NCOA7: variants seen among roughly 807,000 people sequenced by gnomAD.
The protein encoded by NCOA7 is nuclear receptor coactivator 7, also known as 140 kDa estrogen receptor-associated protein.
In NCOA7, 45 loss-of-function variants were observed where a neutral mutation model predicts 104.3. That is an observed-to-expected ratio of 0.43 (90% CI 0.34 to 0.55). The LOEUF is 0.55. NCOA7 is among the 20% of genes least tolerant of loss of function. NCOA7 has a pLI of 0.02. For missense variants in NCOA7, 1,041 were observed against 1,119.7 expected (o/e 0.93, Z 1.00); for synonymous variants, 398 against 402.3 (o/e 0.99, Z 0.13).
chr6:125,869,277 G>A (rs1782681942), intron 3 of NCOA7, among the ~76,000 whole-genome samples: 1 of 152,096 alleles, frequency 6.6e-6, no homozygotes, highest in Non-Finnish European at 1.5e-5. Context: ...GTTTTTCTCA[G>A]AACCAGCATA....
chr6:125,823,945 A>G (rs1405788928), intron 2 of NCOA7, among the ~76,000 whole-genome samples: 2 of 152,174 alleles, frequency 1.3e-5, no homozygotes, highest in Admixed American at 1.3e-4. Context: ...TGTGTTTTAA[A>G]TGTTAAGTAT....
chr6:125,816,141 G>A (rs544230210), intron 2 of NCOA7, among the ~76,000 whole-genome samples: 1 of 152,048 alleles, frequency 6.6e-6, no homozygotes, highest in African/African-American at 2.4e-5. Flanking sequence ...TCCATCCCCA[G>A]TCCCCAGGCT....
intron 2 of NCOA7, among the ~76,000 whole-genome samples, chr6:125,838,052 TC>T (rs1260441266): frequency 6.6e-6 from 1 of 152,100 alleles, no homozygotes; most frequent in Non-Finnish European, 1.5e-5. Context: ...AGGAAAAACT[TC>T]CCCTTCACCC....
At chr6:125,927,848 G>A (rs2128703755) in intron 14 of NCOA7, 90 bp downstream of exon 14, 1 of 1,084,740 alleles carries the variant, frequency 9.2e-7, no homozygotes, top group South Asian at 1.3e-5. Flanking sequence ...TAGCTGTCCT[G>A]TAACTTCTCC....
rs1788452814 is a variant in NCOA7, at chr6:125,931,270, C to G, written c.*2499C>G. 1.3e-5 allele frequency: 2 copies of G among 152,148 alleles called. No individual in the cohort carries two copies. Among genetic ancestry groups the G allele is most frequent in the Admixed American group, 1.3e-4 (2 of 15,274 alleles). 9.4% of individuals were successfully genotyped at this position (152,148 alleles called of 1,614,324 possible). A position where few individuals can be genotyped will look rare whatever the true frequency, so the allele number is the denominator to read the frequency against. ...CTCTTCATTCCCTGTAGCCACCCTC[C>G]TAATTGTCTCATCAGTTCACGGAAA... On this transcript the variant is annotated 3_prime_UTR_variant, in exon 16 of 16. Coordinates refer to ENST00000392477, the MANE Select transcript of NCOA7 (RefSeq NM_181782.5).
chr6:125,787,841 G>A (rs903320403), upstream of NCOA7, among the ~76,000 whole-genome samples: 1 of 152,152 alleles, frequency 6.6e-6, no homozygotes. Context: ...TTGATTGATG[G>A]CCACATTCTA....
intron 1 of NCOA7, among the ~76,000 whole-genome samples, chr6:125,785,640 A>T (rs1281982732): frequency 6.6e-6 from 1 of 152,214 alleles, no homozygotes; most frequent in East Asian, 1.9e-4. Flanking sequence ...TTTAGCACCA[A>T]TGTTGTAGCA....
chr6:125,797,543 A>T (rs1031977881), intron 1 of NCOA7, among the ~76,000 whole-genome samples: 2 of 152,226 alleles, frequency 1.3e-5, no homozygotes, highest in Non-Finnish European at 2.9e-5. Context: ...AAGAGCTTTC[A>T]TGTTTCTTCT....
chr6:125,840,867 G>GTTT (rs1305583308), intron 2 of NCOA7, among the ~76,000 whole-genome samples: 1 of 50,656 alleles, frequency 2.0e-5, no homozygotes, highest in Non-Finnish European at 3.8e-5. Context: ...TTGTTTGGTT[G>GTTT]GTTTTTTTTT....
intron 3 of NCOA7, among the ~76,000 whole-genome samples, chr6:125,861,552 A>AT (rs1001812984): frequency 3.9e-5 from 6 of 152,262 alleles, no homozygotes; most frequent in East Asian, 3.9e-4. Flanking sequence ...TCCAATTAAT[A>AT]TTTTTTTAAT....
chr6:125,799,007 G>A (rs970796852), intron 1 of NCOA7, among the ~76,000 whole-genome samples: 1 of 152,038 alleles, frequency 6.6e-6, no homozygotes, highest in East Asian at 1.9e-4. Context: ...TCAGCCCCAA[G>A]CCTGTTTCTT....
intron 3 of NCOA7, among the ~76,000 whole-genome samples, chr6:125,864,114 G>C (rs1179298031): frequency 7.3e-6 from 1 of 137,784 alleles, no homozygotes; most frequent in Non-Finnish European, 1.5e-5. Context: ...TAAGCAAACA[G>C]TCATGAGCAT....
At chr6:125,795,879 A>G (rs1255615491) in intron 1 of NCOA7, among the ~76,000 whole-genome samples, 1 of 152,210 alleles carries the variant, frequency 6.6e-6, no homozygotes, top group Non-Finnish European at 1.5e-5. Flanking sequence ...TCAAGTTGTC[A>G]TCATGCACAG....
intron 2 of NCOA7, among the ~76,000 whole-genome samples, chr6:125,853,954 A>G (rs117955455): frequency 0.015 from 2,234 of 152,286 alleles, 29 homozygotes; most frequent in Middle Eastern, 0.031. Flanking sequence ...GCAGTGAAAT[A>G]TCAAATTTCA....
intron 1 of NCOA7, among the ~76,000 whole-genome samples, chr6:125,813,449 ATTT>A (rs36073060): frequency 5.9e-5 from 8 of 135,672 alleles, no homozygotes; most frequent in African/African-American, 1.1e-4. Context: ...GGGAAATGCA[ATTT>A]TTTTTTTTTT....
intron 3 of NCOA7, among the ~76,000 whole-genome samples, chr6:125,859,238 A>G (rs1781844712): frequency 1.4e-5 from 2 of 144,666 alleles, no homozygotes; most frequent in Non-Finnish European, 3.0e-5. Context: ...GTGAGGGAGG[A>G]AAAAAAAAAA....
chr6:125,851,789 G>T (rs1445119496), intron 2 of NCOA7, among the ~76,000 whole-genome samples: 2 of 152,042 alleles, frequency 1.3e-5, no homozygotes, highest in Non-Finnish European at 2.9e-5. Context: ...AGCCATTCTG[G>T]CTAGAATAAG....
In NCOA7 at chr6:125,928,793, T is replaced by C. The variant is rs749654595; in HGVS notation, c.*22T>C. On this transcript the variant is annotated 3_prime_UTR_variant, in exon 16 of 16. Coordinates refer to ENST00000392477, the MANE Select transcript of NCOA7 (RefSeq NM_181782.5). ...TTGAAATTCAGACTGCCTTAAAATA[T>C]AACATTAAAAAGACTGGGTTCGATC... 7 of 1,605,026 alleles carry C rather than the reference T, an allele frequency of 4.4e-6. No homozygotes were observed. The highest frequency in any genetic ancestry group is 2.2e-5 in the South Asian group (2 of 89,210).
At chr6:125,894,320 A>C (rs778973916) in intron 10 of NCOA7, among the ~76,000 whole-genome samples, 1 of 152,168 alleles carries the variant, frequency 6.6e-6, no homozygotes, top group Non-Finnish European at 1.5e-5. Context: ...ATTGAGAACC[A>C]CTGGTCGCGT....
Sources: gnomAD v4.1 joint callset for allele counts (sites outside exome capture counted in the v4.1 genomes callset) on GRCh38, gnomAD v4.1.1 for gene constraint, MANE v1.5 for transcripts, NCBI Gene and HGNC (gene_info 2026-07-23, HGNC 2026-07-21) for gene names.